Variants in NRCAM observed in about 807,000 individuals in gnomAD.
NRCAM encodes the protein neuronal cell adhesion molecule.
NRCAM carries 83 observed loss-of-function variants against 156.5 expected under a neutral mutation model. The observed-to-expected ratio is 0.53, with a 90% CI of 0.44 to 0.64. The LOEUF (loss-of-function observed/expected upper bound fraction) is 0.64, where lower values mean the gene tolerates loss of function less well. Ranked by LOEUF, NRCAM falls within the 30% of genes least tolerant of loss-of-function variation. The pLI is 0.00. For synonymous variants in NRCAM, 538 were observed against 563.9 expected (o/e 0.95, Z 0.65); for missense variants, 1,417 against 1,597.3 (o/e 0.89, Z 1.92).
rs1161443147 is a variant in NRCAM, at chr7:108,399,598, A to G, written c.-331-5T>C. The G allele has an allele frequency of 1.3e-5, 2 of 152,332 alleles. No individual in the cohort carries two copies. Among genetic ancestry groups the G allele is most frequent in the East Asian group, 3.9e-4 (2 of 5,184 alleles). 9.4% of individuals were successfully genotyped at this position (152,332 alleles called of 1,614,324 possible). On this transcript the variant is annotated splice_region_variant and splice_polypyrimidine_tract_variant and intron_variant, in intron 1 of 32. Transcript: ENST00000379028. Reference sequence around the variant, plus strand: ...GAGAGAATGTCACAAAGATTCCTGAAAAAGAAAAAAAGTAACACAGGACAA... The same window carrying G: ...GAGAGAATGTCACAAAGATTCCTGAGAAAGAAAAAAAGTAACACAGGACAA...
At chr7:108,252,208 T>C (rs1458045465) in intron 3 of NRCAM, among the ~76,000 whole-genome samples, 1 of 152,162 alleles carries the variant, frequency 6.6e-6, no homozygotes, top group Non-Finnish European at 1.5e-5. Context: ...GGAGAATAAA[T>C]GGCTAAAGGT....
At chr7:108,184,372 T>C in intron 21 of NRCAM, 45 bp downstream of exon 21, 2 of 1,613,610 alleles carry the variant, frequency 1.2e-6, no homozygotes, top group Admixed American at 3.3e-5. Flanking sequence ...TGGAAAACTT[T>C]TTTATTATAT....
intron 9 of NRCAM, 78 bp from the exon 10 acceptor site, chr7:108,225,779 A>C: frequency 1.2e-6 from 1 of 861,280 alleles, no homozygotes. Flanking sequence ...ATAAAAGCAA[A>C]CATATGCAGC....
intron 32 of NRCAM, among the ~76,000 whole-genome samples, chr7:108,155,680 C>T (rs73412317): frequency 6.6e-6 from 1 of 151,948 alleles, no homozygotes; most frequent in Non-Finnish European, 1.5e-5. Context: ...TGTGTGGGAC[C>T]AAATTCTATT....
At chr7:108,342,663 A>G (rs2099303538) in intron 2 of NRCAM, among the ~76,000 whole-genome samples, 1 of 152,210 alleles carries the variant, frequency 6.6e-6, no homozygotes, top group South Asian at 2.1e-4. Context: ...GAGTCCTTAC[A>G]CAGGTCCAAG....
rs925656573 is a variant in NRCAM at position 108,390,957 on chromosome 7, T to A, written c.-174+8479A>T. On this transcript the variant is annotated intron_variant, in intron 2 of 32. Transcript: ENST00000379028. ...GAGAGACAGTTTGTTATAGTTTCTG[T>A]TCTTTTACATTTGCTAAGGAGTGCT... Among the ~76,000 whole-genome samples, 5 of 152,362 alleles carry A rather than the reference T, an allele frequency of 3.3e-5. No individual in the cohort carries two copies. In the East Asian group the frequency reaches 9.6e-4, roughly 29 times the overall value.
intron 1 of NRCAM, among the ~76,000 whole-genome samples, chr7:108,429,938 G>GA (rs1431379076): frequency 6.6e-6 from 1 of 152,202 alleles, no homozygotes; most frequent in Non-Finnish European, 1.5e-5. Context: ...GACATCAGAG[G>GA]AAAAACGTGA....
At chr7:108,151,344 A>T (rs982526233) in intron 32 of NRCAM, among the ~76,000 whole-genome samples, 1 of 152,196 alleles carries the variant, frequency 6.6e-6, no homozygotes, top group African/African-American at 2.4e-5. Context: ...TAACATACAA[A>T]AGGTATCACT....
intron 2 of NRCAM, among the ~76,000 whole-genome samples, chr7:108,390,868 T>C (rs1038396131): frequency 3.9e-4 from 59 of 152,164 alleles, no homozygotes; most frequent in Admixed American, 3.9e-4. Flanking sequence ...TCAGTTTCCA[T>C]GTAGTTGAGC....
intron 13 of NRCAM, among the ~76,000 whole-genome samples, chr7:108,202,309 A>C (rs1035148850): frequency 3.9e-5 from 6 of 152,338 alleles, no homozygotes; most frequent in Admixed American, 1.3e-4. Flanking sequence ...TAATAATAAT[A>C]ATCATGCCAT....
chr7:108,256,242 G>A (rs907171817), intron 3 of NRCAM, among the ~76,000 whole-genome samples: 1 of 151,604 alleles, frequency 6.6e-6, no homozygotes, highest in Non-Finnish European at 1.5e-5. Flanking sequence ...TGTGTAGAAA[G>A]AAGTAGACAT....
intron 2 of NRCAM, among the ~76,000 whole-genome samples, chr7:108,362,820 G>A (rs1307418747): frequency 2.0e-5 from 3 of 151,946 alleles, no homozygotes; most frequent in African/African-American, 4.8e-5. Flanking sequence ...ATGCATTTCC[G>A]TATTTCCTAC....
rs984305199 is a variant in NRCAM, at chr7:108,165,253, G to A, written c.3466+1668C>T. 8.5e-5 allele frequency among the ~76,000 whole-genome samples: 13 copies of A among 152,258 alleles called. No homozygotes were observed. In the East Asian group the frequency reaches 2.3e-3, roughly 27 times the overall value. ...GACCCTGCAGTGGGGGTATAGTGAG[G>A]CCTTTCTTCTGGAGACGGAACGACA... On this transcript the variant is annotated intron_variant, in intron 30 of 32. Transcript: ENST00000379028.
chr7:108,234,804 T>A, intron 5 of NRCAM, 116 bp from the exon 6 acceptor site: 1 of 800,642 alleles, frequency 1.2e-6, no homozygotes, highest in Non-Finnish European at 2.2e-6. Context: ...CAAGTATTTT[T>A]AGTAATTTCT....
At chr7:108,182,081 G>A (rs1179230839) in intron 23 of NRCAM, 144 bp from the exon 24 acceptor site, 11 of 567,010 alleles carry the variant, frequency 1.9e-5, no homozygotes, top group Non-Finnish European at 3.4e-5. Context: ...AGATTTTGGG[G>A]TATCTGTTTG....
At chr7:108,410,999 CTG>C (rs984099693) in intron 1 of NRCAM, among the ~76,000 whole-genome samples, 1 of 142,144 alleles carries the variant, frequency 7.0e-6, no homozygotes, top group Non-Finnish European at 1.6e-5. Flanking sequence ...CAGTTTTATT[CTG>C]TTTTTTTAAA....
chr7:108,182,418 A>G (rs991424952), intron 23 of NRCAM, among the ~76,000 whole-genome samples: 1 of 152,204 alleles, frequency 6.6e-6, no homozygotes, highest in African/African-American at 2.4e-5. Context: ...AGGGTTCCAT[A>G]GGGCTATCTG....
At chr7:108,184,127 TA>T (rs56697619) in intron 22 of NRCAM, 113 bp downstream of exon 22, 11,608 of 543,454 alleles carry the variant, frequency 0.021, 340 homozygotes, top group East Asian at 0.098. Flanking sequence ...TATATATATA[TA>T]TTTTTTTTCC....
In NRCAM at chr7:108,428,079, A is replaced by G. The variant is rs550076766; in HGVS notation, c.-332+28164T>C. On this transcript the variant is annotated intron_variant, in intron 1 of 32. Transcript: ENST00000379028. The stretch of plus-strand genomic sequence containing the variant: ...ATGGATGACTAAAACCAGAGAAAGG[A>G]CAAGATAAAGCAAAAGGAGAAACGT... 2.0e-5 allele frequency among the ~76,000 whole-genome samples: 3 copies of G among 152,346 alleles called. No homozygotes were observed. In the South Asian group the frequency reaches 6.2e-4, roughly 32 times the overall value.
Sources: allele counts gnomAD v4.1 joint callset (sites outside exome capture counted in the v4.1 genomes callset), GRCh38; gene constraint gnomAD v4.1.1; transcripts MANE v1.5; gene names NCBI Gene and HGNC (gene_info 2026-07-23, HGNC 2026-07-21).